DDR2: variants seen among roughly 807,000 people sequenced by gnomAD.
DDR2 encodes the protein discoidin domain receptor tyrosine kinase 2.
In DDR2, 27 loss-of-function variants were observed where a neutral mutation model predicts 94.9. The ratio of observed to expected loss-of-function variants is 0.28; its 90% confidence interval spans 0.21 to 0.39. The LOEUF is 0.39. Ranked by LOEUF, DDR2 falls within the 10% of genes least tolerant of loss-of-function variation. The pLI is 1.00. For missense variants in DDR2, 783 were observed against 1,076.0 expected, an observed-to-expected ratio of 0.73 and a Z score of 3.81; for synonymous variants, 382 against 377.2, an observed-to-expected ratio of 1.01 and a Z score of -0.15.
chr1:162,753,383 C>T (rs1008098655), intron 4 of DDR2, among the ~76,000 whole-genome samples, 186 bp downstream of exon 4: 7 of 152,184 alleles, frequency 4.6e-5, no homozygotes, highest in Non-Finnish European at 1.0e-4. Context: ...AGGACTTAGC[C>T]ACATGTACTG....
chr1:162,777,351 C>T (rs555559225), intron 16 of DDR2, among the ~76,000 whole-genome samples: 2 of 152,102 alleles, frequency 1.3e-5, no homozygotes, highest in South Asian at 4.1e-4. Flanking sequence ...CTATTTTTAA[C>T]TTAACATTTT....
At chr1:162,670,691 G>A (rs1437965642) in intron 2 of DDR2, among the ~76,000 whole-genome samples, 1 of 152,174 alleles carries the variant, frequency 6.6e-6, no homozygotes, top group Admixed American at 6.5e-5. Flanking sequence ...GGATACGATT[G>A]ACTGAATTCA....
At position 162,776,451 on chromosome 1, in the gene DDR2, A is replaced by AT. The variant is rs1647557777; in HGVS notation, c.2283+81_2283+82insT. Reference sequence around the variant, plus strand: ...CATGACACGTGGAGACAAACCTGAGACAGCAGGAGGCAAACTCAATAGACT... The same window carrying AT: ...CATGACACGTGGAGACAAACCTGAGATCAGCAGGAGGCAAACTCAATAGACT... On this transcript the variant is annotated intron_variant, in intron 16 of 17. Coordinates refer to ENST00000367921, the MANE Select transcript of DDR2 (RefSeq NM_006182.4). 3 of 1,352,504 alleles carry AT rather than the reference A, an allele frequency of 2.2e-6. No homozygotes were observed. In the South Asian group the frequency reaches 3.5e-5, roughly 16 times the overall value. 83.8% of individuals were successfully genotyped at this position (1,352,504 alleles called of 1,614,324 possible).
chr1:162,682,943 T>C (rs1030541935), intron 2 of DDR2, among the ~76,000 whole-genome samples: 7 of 152,266 alleles, frequency 4.6e-5, no homozygotes, highest in African/African-American at 1.7e-4. Flanking sequence ...TAAACATTAA[T>C]TGAATGAAAG....
At chr1:162,679,428 T>C (rs1238721575) in intron 2 of DDR2, among the ~76,000 whole-genome samples, 1 of 152,196 alleles carries the variant, frequency 6.6e-6, no homozygotes, top group Non-Finnish European at 1.5e-5. Flanking sequence ...TCAGTTATAT[T>C]TTTGACAGTA....
intron 3 of DDR2, among the ~76,000 whole-genome samples, chr1:162,730,089 A>G (rs1234213456): frequency 2.1e-5 from 3 of 144,660 alleles, no homozygotes; most frequent in African/African-American, 7.8e-5. Context: ...AAATGATGCC[A>G]TGTGAGACTT....
intron 2 of DDR2, among the ~76,000 whole-genome samples, chr1:162,699,747 G>A (rs930050552): frequency 1.3e-4 from 20 of 152,086 alleles, no homozygotes; most frequent in African/African-American, 4.1e-4. Context: ...TATTATTTCC[G>A]AATATGCCAT....
chr1:162,677,598 C>T (rs1659197171), intron 2 of DDR2, among the ~76,000 whole-genome samples: 1 of 152,178 alleles, frequency 6.6e-6, no homozygotes, highest in Admixed American at 6.5e-5. Context: ...GGACTTCTAG[C>T]TTTTCTTCTC....
intron 2 of DDR2, among the ~76,000 whole-genome samples, chr1:162,676,827 G>A (rs1341830624): frequency 6.6e-6 from 1 of 152,202 alleles, no homozygotes; most frequent in Non-Finnish European, 1.5e-5. Flanking sequence ...AAGTTGCACA[G>A]CTAGAAAGTA....
chr1:162,714,572 A>G (rs1196018861), intron 2 of DDR2, among the ~76,000 whole-genome samples: 3 of 152,070 alleles, frequency 2.0e-5, no homozygotes, highest in Admixed American at 6.6e-5. Context: ...CATTCTCTTC[A>G]GTGTTCTGCT....
intron 3 of DDR2, among the ~76,000 whole-genome samples, chr1:162,749,617 G>A (rs1406380871): frequency 3.9e-5 from 6 of 152,212 alleles, no homozygotes; most frequent in Non-Finnish European, 8.8e-5. Flanking sequence ...AACTATTCCA[G>A]TCAATAGAAA....
At chr1:162,640,415 G>A (rs967492936) in intron 1 of DDR2, among the ~76,000 whole-genome samples, 4 of 152,228 alleles carry the variant, frequency 2.6e-5, no homozygotes, top group South Asian at 2.1e-4. Flanking sequence ...TGCCAATGTC[G>A]TGAGGGATGT....
intron 2 of DDR2, among the ~76,000 whole-genome samples, chr1:162,697,417 A>G (rs2101987871): frequency 6.6e-6 from 1 of 152,324 alleles, no homozygotes; most frequent in South Asian, 2.1e-4. Context: ...GTCCCAACAA[A>G]TGTCGGGTTA....
rs1326536633 is a variant in DDR2 at position 162,785,609 on chromosome 1, T to C, written c.*5363T>C. The C allele has an allele frequency of 3.3e-5, 5 of 152,222 alleles. No individual in the cohort carries two copies. The highest frequency in any genetic ancestry group is 1.2e-4 in the African/African-American group (5 of 41,452). The allele number at this position is 152,222 out of a possible 1,614,324, so 9.4% of individuals were successfully genotyped here. A position where few individuals can be genotyped will look rare whatever the true frequency, so the allele number is the denominator to read the frequency against. ...TGTGTCTTACTAAGTTTCTAGGTCA[T>C]TGTGAGCACTTGATAAATATTTGCT... On this transcript the variant is annotated 3_prime_UTR_variant, in exon 18 of 18. Transcript: ENST00000367921.
intron 2 of DDR2, among the ~76,000 whole-genome samples, chr1:162,695,841 T>C (rs1443728366): frequency 6.6e-6 from 1 of 152,188 alleles, no homozygotes; most frequent in Non-Finnish European, 1.5e-5. Flanking sequence ...TCATATGGGA[T>C]TGTTACCATC....
In DDR2 at chr1:162,671,222, G is replaced by A. The variant is rs373450387; in HGVS notation, c.-28+15848G>A. On this transcript the variant is annotated intron_variant, in intron 2 of 17. Coordinates refer to ENST00000367921, the MANE Select transcript of DDR2 (RefSeq NM_006182.4). ...GCACAGTAGAAATGGCACCGGACTG[G>A]GAATGAGTTCCTACTGCCAACTTCT... 5.2e-4 allele frequency among the ~76,000 whole-genome samples: 79 copies of A among 152,154 alleles called. 1 individual carries two copies. In the East Asian group the frequency reaches 8.0e-3, roughly 15 times the overall value.
At chr1:162,678,345 A>G (rs1161291597) in intron 2 of DDR2, among the ~76,000 whole-genome samples, 1 of 152,212 alleles carries the variant, frequency 6.6e-6, no homozygotes, top group Non-Finnish European at 1.5e-5. Context: ...GAGGCAATGT[A>G]TGTGGAGTGT....
At chr1:162,754,971 C>T (rs895173438) in intron 5 of DDR2, 116 bp downstream of exon 5, 23 of 1,447,026 alleles carry the variant, frequency 1.6e-5, no homozygotes, top group Non-Finnish European at 2.1e-5. Flanking sequence ...CCAGGCATGC[C>T]CTTGTAAATG....
rs972791759 is a variant in DDR2 at position 162,685,979 on chromosome 1, C to T, written c.-28+30605C>T. On this transcript the variant is annotated intron_variant, in intron 2 of 17. Transcript: ENST00000367921. ...CAGACAGTGCTAGGCAAAGAATAAC[C>T]GAAGAAGAGGGACTGTGTTCTATTC... Among the ~76,000 whole-genome samples, 9 of 152,100 alleles carry T rather than the reference C, an allele frequency of 5.9e-5. No individual in the cohort carries two copies. In the South Asian group the frequency reaches 6.2e-4, roughly 11 times the overall value.
Sources: allele counts gnomAD v4.1 joint callset (sites outside exome capture counted in the v4.1 genomes callset), GRCh38; gene constraint gnomAD v4.1.1; transcripts MANE v1.5; gene names NCBI Gene and HGNC (gene_info 2026-07-23, HGNC 2026-07-21).